Variants in RP1 observed in about 807,000 individuals in gnomAD.
RP1 encodes RP1 axonemal microtubule associated.
In RP1, 16 loss-of-function variants were observed where a neutral mutation model predicts 14.8. The ratio of observed to expected loss-of-function variants is 1.08; its 90% CI spans 0.73 to 1.65. The LOEUF (loss-of-function observed/expected upper bound fraction) is 1.65, where lower values mean the gene tolerates loss of function less well. RP1 is among the 40% of genes most tolerant of loss of function. RP1 has a pLI of 0.00. For synonymous variants in RP1, 876 were observed against 883.6 expected (o/e 0.99, Z 0.15); for missense variants, 2,631 against 2,535.0 (o/e 1.04, Z -0.81).
At chr8:54,579,833 C>A (rs1281027760) in intron 1 of RP1, among the ~76,000 whole-genome samples, 12 of 152,156 alleles carry the variant, frequency 7.9e-5, no homozygotes, top group African/African-American at 2.9e-4. Context: ...TGTGCCAATC[C>A]CTTCCTCAGA....
At chr8:54,859,015 C>T (rs974636402) in intron 27 of RP1, among the ~76,000 whole-genome samples, 5 of 152,004 alleles carry the variant, frequency 3.3e-5, no homozygotes, top group African/African-American at 1.2e-4. Flanking sequence ...ACTGGTGTCA[C>T]TGTAGAGTGG....
intron 21 of RP1, among the ~76,000 whole-genome samples, chr8:54,756,969 C>G (rs906607474): frequency 5.9e-5 from 9 of 152,144 alleles, no homozygotes; most frequent in African/African-American, 2.2e-4. Context: ...GATATAGTTG[C>G]AATCAGTGTA....
At chr8:54,832,633 T>C (rs1353573841) in intron 24 of RP1, among the ~76,000 whole-genome samples, 1 of 151,948 alleles carries the variant, frequency 6.6e-6, no homozygotes, top group African/African-American at 2.4e-5. Flanking sequence ...CCTTTTTTTA[T>C]TGACATTATG....
In RP1 at chr8:54,640,592, A is replaced by T. The variant is rs558864398; in HGVS notation, c.788-8393A>T. 7.2e-5 allele frequency among the ~76,000 whole-genome samples: 11 copies of T among 152,306 alleles called. No homozygotes were observed. In the East Asian group the frequency reaches 2.1e-3, roughly 29 times the overall value. ...GGGCCTTATATTCCTGGGTGAAAAG[A>T]GAGACCATAGAAGATGGAGTCAAGT... On this transcript the variant is annotated intron_variant, in intron 3 of 22. Coordinates refer to the RP1 transcript ENST00000636932.
chr8:54,605,324 T>C (rs2129306906), intron 1 of RP1, among the ~76,000 whole-genome samples: 1 of 152,348 alleles, frequency 6.6e-6, no homozygotes, highest in Non-Finnish European at 1.5e-5. Context: ...AGCAGGTTGT[T>C]CAATTTCCAT....
At chr8:54,764,109 A>G (rs1809707417) in intron 22 of RP1, among the ~76,000 whole-genome samples, 1 of 152,170 alleles carries the variant, frequency 6.6e-6, no homozygotes. Context: ...TTGTTGAAAA[A>G]AAGAGTCTGT....
chr8:54,727,183 T>C (rs1299272352), intron 17 of RP1, among the ~76,000 whole-genome samples: 1 of 152,132 alleles, frequency 6.6e-6, no homozygotes, highest in Admixed American at 6.5e-5. Context: ...AATAGACGTC[T>C]CTTGTTGACC....
At chr8:54,721,178 T>C (rs1808527648) in intron 16 of RP1, among the ~76,000 whole-genome samples, 1 of 152,266 alleles carries the variant, frequency 6.6e-6, no homozygotes, top group South Asian at 2.1e-4. Context: ...CTGCATCAAC[T>C]TCTTTTCAGC....
intron 3 of RP1, among the ~76,000 whole-genome samples, chr8:54,644,002 A>G (rs1439271742): frequency 6.6e-6 from 1 of 152,258 alleles, no homozygotes; most frequent in Non-Finnish European, 1.5e-5. Context: ...TCTAAATATT[A>G]TAATTTCACA....
exon 12 of RP1, chr8:54,679,865 C>A (rs1563345622): frequency 6.5e-7 from 1 of 1,536,046 alleles, no homozygotes; most frequent in Non-Finnish European, 8.7e-7. Context: ...AACAAGCTGA[C>A]TGGAGGGTTT....
intron 27 of RP1, among the ~76,000 whole-genome samples, chr8:54,858,904 C>T (rs557058603): frequency 6.5e-4 from 99 of 152,058 alleles, no homozygotes; most frequent in Non-Finnish European, 1.2e-3. Context: ...AGGAGTGTCA[C>T]CATAGAGTGG....
chr8:54,702,291 G>T (rs1024602757), intron 14 of RP1, among the ~76,000 whole-genome samples: 1 of 152,040 alleles, frequency 6.6e-6, no homozygotes, highest in African/African-American at 2.4e-5. Context: ...TTCAGCTAAA[G>T]TCTACTTATA....
chr8:54,672,860 C>A (rs1306934749), intron 7 of RP1, among the ~76,000 whole-genome samples: 1 of 152,108 alleles, frequency 6.6e-6, no homozygotes, highest in Non-Finnish European at 1.5e-5. Flanking sequence ...TGCGTTTCTT[C>A]TCTTTTCCTT....
At chr8:54,759,067 C>T in exon 22 of RP1, 2 of 1,533,176 alleles carry the variant, frequency 1.3e-6, no homozygotes, top group Non-Finnish European at 1.7e-6. Flanking sequence ...TCCATCTTTA[C>T]CTGTCAAAGG....
intron 6 of RP1, chr8:54,663,654 A>T: frequency 6.9e-7 from 1 of 1,452,502 alleles, no homozygotes; most frequent in Non-Finnish European, 9.0e-7. Flanking sequence ...TTTCTGTTAT[A>T]TGAGTACTGC....
intron 1 of RP1, among the ~76,000 whole-genome samples, chr8:54,606,511 A>G (rs1366680349): frequency 6.6e-6 from 1 of 151,990 alleles, no homozygotes; most frequent in Non-Finnish European, 1.5e-5. Context: ...GAATCTGACA[A>G]TTATGTGTCT....
intron 4 of RP1, among the ~76,000 whole-genome samples, chr8:54,651,880 C>T (rs935406092): frequency 6.6e-6 from 1 of 151,966 alleles, no homozygotes; most frequent in Non-Finnish European, 1.5e-5. Context: ...TATAAATTTC[C>T]CTCAGAGCTC....
rs1735312255 is a variant in RP1 at position 54,706,389 on chromosome 8, GC to G, written c.1999-53del. On this transcript the variant is annotated intron_variant, in intron 14 of 22. Transcript: ENST00000636932. ...TTGCCTCTATAGTTGTCTCCCTCTA[GC>G]AAAACACGAGCCCGTTACTGACTGC... 39 of 1,513,214 alleles carry G rather than the reference GC, an allele frequency of 2.6e-5. No individual in the cohort carries two copies. In the South Asian group the frequency reaches 4.5e-4, roughly 17 times the overall value. 93.7% of individuals were successfully genotyped at this position (1,513,214 alleles called of 1,614,324 possible).
At chr8:54,728,686 A>G (rs1216634592) in intron 17 of RP1, among the ~76,000 whole-genome samples, 1 of 152,196 alleles carries the variant, frequency 6.6e-6, no homozygotes, top group Non-Finnish European at 1.5e-5. Flanking sequence ...GTAGTAGTTA[A>G]GTAGAGATAT....
Sources: allele counts gnomAD v4.1 joint callset (sites outside exome capture counted in the v4.1 genomes callset), GRCh38; gene constraint gnomAD v4.1.1; transcripts MANE v1.5; gene names NCBI Gene and HGNC (gene_info 2026-07-23, HGNC 2026-07-21).